Variants in PRKACB observed in about 807,000 individuals in gnomAD.
The protein encoded by PRKACB is cAMP-dependent protein kinase catalytic subunit beta.
Under a neutral mutation model 51.4 loss-of-function variants are expected in PRKACB, and 16 were observed. That is an observed-to-expected ratio of 0.31 (90% CI 0.21 to 0.47). PRKACB has a LOEUF of 0.47. Ranked by LOEUF, PRKACB falls within the 20% of genes least tolerant of loss-of-function variation. The pLI, the probability that PRKACB is intolerant of heterozygous loss-of-function variation, is 1.00. For synonymous variants in PRKACB, 147 were observed against 154.4 expected (o/e 0.95, Z 0.35); for missense variants, 309 against 464.5 (o/e 0.67, Z 3.08).
chr1:84,093,013 A>G (rs757567035), intron 1 of PRKACB, among the ~76,000 whole-genome samples: 2 of 152,118 alleles, frequency 1.3e-5, no homozygotes, highest in African/African-American at 4.8e-5. Context: ...ATGTACTACA[A>G]ATGTCTTCTT....
At chr1:84,093,042 T>C (rs1044860030) in intron 1 of PRKACB, among the ~76,000 whole-genome samples, 1 of 152,096 alleles carries the variant, frequency 6.6e-6, no homozygotes, top group Non-Finnish European at 1.5e-5. Context: ...TAGCTTGCCT[T>C]TTCACTTTCT....
chr1:84,103,640 A>G lies in PRKACB; in HGVS notation c.46+25269A>G, dbSNP rs527330001. Among the ~76,000 whole-genome samples the G allele has an allele frequency of 6.6e-5, 10 of 152,294 alleles. No individual in the cohort carries two copies. In the South Asian group the frequency reaches 2.1e-3, roughly 32 times the overall value. On this transcript the variant is annotated intron_variant, in intron 1 of 8. Coordinates refer to the PRKACB transcript ENST00000370688. Reference sequence around the variant, plus strand: ...GAGCCACCCAGCTTAGACCCCAGACATTGTGGTATAGAGATGAACAGTTCC... The same window carrying G: ...GAGCCACCCAGCTTAGACCCCAGACGTTGTGGTATAGAGATGAACAGTTCC...
At chr1:84,174,183 G>A (rs1441873322) in intron 1 of PRKACB, among the ~76,000 whole-genome samples, 4 of 151,746 alleles carry the variant, frequency 2.6e-5, no homozygotes, top group Admixed American at 1.3e-4. Context: ...TGTTTTACAT[G>A]TCCCCGATGC....
At chr1:84,234,477 G>A (rs982843370) in intron 9 of PRKACB, among the ~76,000 whole-genome samples, 1 of 152,226 alleles carries the variant, frequency 6.6e-6, no homozygotes, top group African/African-American at 2.4e-5. Context: ...GTTTACCTAA[G>A]CAAGCCTGGG....
chr1:84,135,392 A>G (rs1276311481), intron 1 of PRKACB, among the ~76,000 whole-genome samples: 1 of 152,202 alleles, frequency 6.6e-6, no homozygotes, highest in Non-Finnish European at 1.5e-5. Context: ...AAATCAGTGT[A>G]AGTAGGTAAT....
At chr1:84,166,326 A>G (rs1429367153) in intron 1 of PRKACB, among the ~76,000 whole-genome samples, 3 of 151,758 alleles carry the variant, frequency 2.0e-5, no homozygotes, top group Non-Finnish European at 4.4e-5. Flanking sequence ...GAATCAGGCC[A>G]ATGCATATTT....
intron 1 of PRKACB, among the ~76,000 whole-genome samples, chr1:84,158,227 G>A (rs1166389548): frequency 6.6e-6 from 1 of 152,016 alleles, no homozygotes; most frequent in Non-Finnish European, 1.5e-5. Context: ...TAGTAGACAT[G>A]GGGTTTTACT....
rs1391332185 is a variant in PRKACB, at chr1:84,235,361, T to A, written c.*56T>A. The A allele has an allele frequency of 1.2e-6, 2 of 1,607,890 alleles. No individual in the cohort carries two copies. The highest frequency in any genetic ancestry group is 1.3e-5 in the African/African-American group (1 of 74,686). ...TCAGTGTTTGCACTCTGTTGAGAGATAAGGTAGAGCTGAGACCGTCCTTGT... is the reference window on the plus strand; with the variant it reads ...TCAGTGTTTGCACTCTGTTGAGAGAAAAGGTAGAGCTGAGACCGTCCTTGT... On this transcript the variant is annotated 3_prime_UTR_variant, in exon 10 of 10. Transcript: ENST00000370685.
At chr1:84,217,802 G>GA (rs933992058) in intron 9 of PRKACB, among the ~76,000 whole-genome samples, 8 of 151,930 alleles carry the variant, frequency 5.3e-5, no homozygotes, top group Non-Finnish European at 1.0e-4. Flanking sequence ...TCTGAAAGAA[G>GA]AAAAAAACCC....
intron 5 of PRKACB, among the ~76,000 whole-genome samples, chr1:84,194,036 T>G (rs1274556590): frequency 1.3e-5 from 2 of 152,084 alleles, no homozygotes; most frequent in Non-Finnish European, 2.9e-5. Context: ...ACTAATATAA[T>G]TAATATAGTG....
chr1:84,179,654 TATC>T (rs1403732376), intron 2 of PRKACB, among the ~76,000 whole-genome samples: 1 of 152,002 alleles, frequency 6.6e-6, no homozygotes, highest in East Asian at 1.9e-4. Context: ...GCATCTTTTT[TATC>T]ATCATTTTGA....
At chr1:84,109,174 T>C (rs973722001) in intron 1 of PRKACB, among the ~76,000 whole-genome samples, 10 of 151,982 alleles carry the variant, frequency 6.6e-5, no homozygotes, top group Admixed American at 6.6e-5. Context: ...ATGTTTCCTT[T>C]TTGGGCCTAC....
At chr1:84,083,491 A>T (rs1281790624) in intron 1 of PRKACB, among the ~76,000 whole-genome samples, 2 of 152,218 alleles carry the variant, frequency 1.3e-5, no homozygotes, top group African/African-American at 2.4e-5. Flanking sequence ...GAGGCATGAA[A>T]GCCAGCTTAG....
chr1:84,147,001 G>A (rs1654188727), intron 1 of PRKACB, among the ~76,000 whole-genome samples: 1 of 152,136 alleles, frequency 6.6e-6, no homozygotes, highest in South Asian at 2.1e-4. Context: ...ATGAATGAGA[G>A]CATTGACATG....
chr1:84,078,404 G>A, intron 1 of PRKACB: 1 of 1,603,816 alleles, frequency 6.2e-7, no homozygotes, highest in East Asian at 2.2e-5. Context: ...GTATCCGCTG[G>A]GCGGGCCGGC....
chr1:84,219,804 C>G (rs368292575), intron 9 of PRKACB, among the ~76,000 whole-genome samples: 5 of 151,806 alleles, frequency 3.3e-5, no homozygotes, highest in African/African-American at 1.2e-4. Flanking sequence ...TTCCATGGGT[C>G]TCTGTGTCTG....
intron 1 of PRKACB, among the ~76,000 whole-genome samples, chr1:84,172,459 A>G (rs1254826218): frequency 1.3e-5 from 2 of 151,668 alleles, no homozygotes; most frequent in South Asian, 2.1e-4. Flanking sequence ...CGAGTCAAAC[A>G]TGGCATGGAT....
chr1:84,219,997 TA>T (rs1262431910), intron 9 of PRKACB, among the ~76,000 whole-genome samples: 1 of 152,028 alleles, frequency 6.6e-6, no homozygotes, highest in African/African-American at 2.4e-5. Flanking sequence ...CTATCATTGG[TA>T]TTTTGATAGG....
In PRKACB at chr1:84,094,751, A is replaced by C. The variant is rs189182465; in HGVS notation, c.46+16380A>C. ...ATACACACACTAAGACAATTAATTC[A>C]CACTGAATTCAAGGTATTCTGTATC... On this transcript the variant is annotated intron_variant, in intron 1 of 8. Coordinates refer to the PRKACB transcript ENST00000370688. Among the ~76,000 whole-genome samples, 8 of 152,012 alleles carry C rather than the reference A, an allele frequency of 5.3e-5. No homozygotes were observed. The East Asian group carries it at 1.4e-3, about 26-fold the overall frequency.
Sources: gnomAD v4.1 joint callset for allele counts (sites outside exome capture counted in the v4.1 genomes callset) on GRCh38, gnomAD v4.1.1 for gene constraint, MANE v1.5 for transcripts, NCBI Gene and HGNC (gene_info 2026-07-23, HGNC 2026-07-21) for gene names.